Variants in DLG2 observed in about 807,000 individuals in gnomAD.
DLG2 encodes discs large MAGUK scaffold protein 2, also known as disks large homolog 2.
Under a neutral mutation model 132.5 loss-of-function variants are expected in DLG2, and 45 were observed. The observed-to-expected ratio is 0.34, with a 90% confidence interval of 0.27 to 0.44. DLG2 has a LOEUF of 0.44. Among genes scored for constraint, DLG2 ranks in the 20% least tolerant of loss-of-function variants. The probability of loss-of-function intolerance (pLI) is 1.00; values close to 1 mark genes in which losing one functional copy is unlikely to be tolerated. For synonymous variants in DLG2, 424 were observed against 419.6 expected (o/e 1.01, Z -0.13); for missense variants, 1,045 against 1,196.9 (o/e 0.87, Z 1.87).
chr11:84,748,670 A>G (rs895641970), intron 6 of DLG2, among the ~76,000 whole-genome samples: 4 of 152,210 alleles, frequency 2.6e-5, no homozygotes, highest in African/African-American at 4.8e-5. Flanking sequence ...GATGAGGACA[A>G]TGTTATTCTT....
chr11:83,889,913 G>C (rs2069197362), intron 15 of DLG2, among the ~76,000 whole-genome samples: 2 of 136,580 alleles, frequency 1.5e-5, no homozygotes, highest in Admixed American at 1.7e-4. Flanking sequence ...TGAACAATGA[G>C]AACACATGGA....
At chr11:84,368,904 AT>A (rs2098694894) in intron 7 of DLG2, among the ~76,000 whole-genome samples, 1 of 152,142 alleles carries the variant, frequency 6.6e-6, no homozygotes, top group Admixed American at 6.6e-5. Flanking sequence ...CTTACCAATT[AT>A]TTTTATTTCC....
chr11:84,427,143 T>C (rs560663007), intron 7 of DLG2, among the ~76,000 whole-genome samples: 2 of 152,034 alleles, frequency 1.3e-5, no homozygotes, highest in Admixed American at 6.6e-5. Flanking sequence ...AGAGGCATCA[T>C]TGGTGAAGAG....
chr11:83,732,874 A>G (rs2091265689), intron 18 of DLG2, among the ~76,000 whole-genome samples: 1 of 152,158 alleles, frequency 6.6e-6, no homozygotes, highest in African/African-American at 2.4e-5. Flanking sequence ...CTCATAGCTC[A>G]CCTTCTGAGG....
rs1185312599 is a variant in DLG2, at chr11:85,559,155, A to ATT, written c.40+39500_40+39501dup. Among the ~76,000 whole-genome samples, 209 of 140,366 alleles carry ATT rather than the reference A, an allele frequency of 1.5e-3. 2 individuals carry two copies. Among genetic ancestry groups the ATT allele is most frequent in the African/African-American group, 5.2e-3 (201 of 38,474 alleles). 92.1% of individuals were successfully genotyped at this position (140,366 alleles called of 152,430 possible). ...TTATATGGCTTCCATTATTATTATT[A>ATT]TTTTTTTTTTTTTTGAGACGGTGTC... On this transcript the variant is annotated intron_variant, in intron 3 of 27. Coordinates refer to ENST00000376104, the MANE Select transcript of DLG2 (RefSeq NM_001142699.3).
chr11:85,094,129 A>C (rs1389184234), intron 6 of DLG2, among the ~76,000 whole-genome samples: 4 of 152,222 alleles, frequency 2.6e-5, no homozygotes, highest in Admixed American at 6.5e-5. Flanking sequence ...TATGGCTTTC[A>C]GAACTGGGAC....
At chr11:83,824,915 C>T (rs778271787) in intron 17 of DLG2, among the ~76,000 whole-genome samples, 1 of 151,830 alleles carries the variant, frequency 6.6e-6, no homozygotes, top group East Asian at 1.9e-4. Flanking sequence ...TAAGTTGTGA[C>T]ATATAGTATG....
At chr11:85,583,048 G>GAAAA (rs869261514) in intron 3 of DLG2, among the ~76,000 whole-genome samples, 1 of 91,520 alleles carries the variant, frequency 1.1e-5, no homozygotes, top group Non-Finnish European at 2.0e-5. Flanking sequence ...GAAACCAGGG[G>GAAAA]AAAAAAAAAA....
At chr11:83,588,060 G>A (rs2097122084) in intron 19 of DLG2, among the ~76,000 whole-genome samples, 1 of 152,178 alleles carries the variant, frequency 6.6e-6, no homozygotes, top group African/African-American at 2.4e-5. Flanking sequence ...CTAGGGGAGG[G>A]GCGCCCGCCA....
At chr11:84,975,761 T>C (rs1260548382) in intron 6 of DLG2, among the ~76,000 whole-genome samples, 1 of 152,220 alleles carries the variant, frequency 6.6e-6, no homozygotes, top group Non-Finnish European at 1.5e-5. Flanking sequence ...ACAAAGTTTC[T>C]GGGCTTGGGA....
At chr11:84,232,392 A>T (rs1432635273) in intron 8 of DLG2, among the ~76,000 whole-genome samples, 1 of 152,210 alleles carries the variant, frequency 6.6e-6, no homozygotes, top group Non-Finnish European at 1.5e-5. Context: ...TAGGCATTCA[A>T]GAACTTTTAT....
At chr11:84,859,707 A>G (rs569388030) in intron 6 of DLG2, among the ~76,000 whole-genome samples, 1 of 151,982 alleles carries the variant, frequency 6.6e-6, no homozygotes, top group African/African-American at 2.4e-5. Context: ...AAGTTCTTCT[A>G]TAAACTGTGA....
chr11:84,527,554 G>C (rs12276182), intron 7 of DLG2, among the ~76,000 whole-genome samples: 26 of 152,052 alleles, frequency 1.7e-4, no homozygotes, highest in African/African-American at 6.3e-4. Flanking sequence ...AAGCTTCCCA[G>C]AACTGTTTAT....
chr11:83,833,738 G>A lies in DLG2; in HGVS notation c.1598C>T (p.Ser533Phe). The change falls in exon 17 of 28, where the codon TCC (serine) becomes TTC (phenylalanine). Residue 533 changes from serine (S) to phenylalanine (F), a missense_variant. Ser to Phe is a radical substitution (Grantham distance 155, BLOSUM62 -2). This residue lies in a region of DLG2 where 261 missense variants were observed against 256.1 expected (regional missense o/e 1.02). Transcript: ENST00000376104. ...EPRKVVLHKG[S>F]TGLGFNIVGG... ...GACAATGTTGAAGCCCAGGCCAGTG[G>A]AGCCTTTGTGCAGGACTACCTTGCG... 1.9e-6 allele frequency: 3 copies of A among 1,614,010 alleles called. No homozygotes were observed. Among genetic ancestry groups the A allele is most frequent in the East Asian group, 2.2e-5 (1 of 44,870 alleles).
intron 9 of DLG2, among the ~76,000 whole-genome samples, chr11:84,161,592 T>G (rs565867626): frequency 2.0e-4 from 30 of 152,306 alleles, no homozygotes; most frequent in Non-Finnish European, 4.0e-4. Context: ...CTGACTCCTA[T>G]TGAGTGTTCT....
chr11:83,498,676 A>AG (rs1474256487), intron 21 of DLG2, among the ~76,000 whole-genome samples: 1 of 51,302 alleles, frequency 1.9e-5, no homozygotes, highest in African/African-American at 1.1e-4. Context: ...AAGCAAGGAG[A>AG]AAAAAAAAAA....
intron 15 of DLG2, among the ~76,000 whole-genome samples, chr11:83,908,502 A>G (rs573589699): frequency 3.3e-5 from 5 of 152,140 alleles, no homozygotes; most frequent in African/African-American, 1.2e-4. Flanking sequence ...GCACGCATGT[A>G]CATACACATA....
Position 83,460,081 on chromosome 11 carries a change from T to C in DLG2, c.2822-157A>G, listed in dbSNP as rs546776407. On this transcript the variant is annotated intron_variant, in intron 27 of 27. Transcript: ENST00000376104. ...AGTAAGAAGAAGCAGAAAATTCATA[T>C]AAGCAAAGTTACATTCATGATTTTA... Among the ~76,000 whole-genome samples the C allele has an allele frequency of 2.6e-5, 4 of 152,354 alleles. No individual in the cohort carries two copies. In the East Asian group the frequency reaches 7.7e-4, roughly 29 times the overall value.
At chr11:85,479,763 G>GT (rs1208082761) in intron 3 of DLG2, among the ~76,000 whole-genome samples, 5 of 152,162 alleles carry the variant, frequency 3.3e-5, no homozygotes, top group Non-Finnish European at 7.3e-5. Context: ...TGAGATCAAG[G>GT]TATCAGTAGT....
Sources: gnomAD v4.1 joint callset for allele counts (sites outside exome capture counted in the v4.1 genomes callset) on GRCh38, gnomAD v4.1.1 for gene constraint, gnomAD v4.1.1 regional missense constraint, MANE v1.5 for transcripts, NCBI Gene and HGNC (gene_info 2026-07-23, HGNC 2026-07-21) for gene names.